Variants in PLCH1 observed in about 807,000 individuals in gnomAD.
The protein encoded by PLCH1 is phospholipase C eta 1, also known as 1-phosphatidylinositol 4,5-bisphosphate phosphodiesterase eta-1.
A neutral mutation model predicts 126.7 loss-of-function variants in PLCH1; 60 were observed. That is an observed-to-expected ratio of 0.47 (90% CI 0.38 to 0.59). The LOEUF is 0.59. PLCH1 is among the 20% of genes least tolerant of loss of function. PLCH1 has a pLI of 0.00. For missense variants in PLCH1, 1,723 were observed against 2,040.0 expected (o/e 0.84, Z 2.99); for synonymous variants, 719 against 734.9 (o/e 0.98, Z 0.35).
At chr3:155,575,815 C>T (rs1000825090) in intron 6 of PLCH1, among the ~76,000 whole-genome samples, 2 of 152,106 alleles carry the variant, frequency 1.3e-5, no homozygotes, top group African/African-American at 4.8e-5. Context: ...CACCACCACA[C>T]CCAACTAATT....
chr3:155,733,930 TATAC>T (rs1577384130), intron 1 of PLCH1, among the ~76,000 whole-genome samples: 2 of 105,378 alleles, frequency 1.9e-5, no homozygotes, highest in Non-Finnish European at 3.8e-5. Context: ...GGCCAACAGG[TATAC>T]ATATATATAT....
intron 2 of PLCH1, among the ~76,000 whole-genome samples, chr3:155,669,873 CTCT>C (rs1224943258): frequency 2.0e-5 from 3 of 152,190 alleles, no homozygotes; most frequent in African/African-American, 7.2e-5. Context: ...AGTCTTCGTT[CTCT>C]TTTGTTGATC....
At chr3:155,465,390 A>C (rs922140867) in intron 21 of PLCH1, among the ~76,000 whole-genome samples, 3 of 152,026 alleles carry the variant, frequency 2.0e-5, no homozygotes, top group African/African-American at 7.2e-5. Context: ...GCTAGAGGGA[A>C]CCTGCTGCCT....
At chr3:155,661,664 C>T (rs1742164454) in intron 2 of PLCH1, among the ~76,000 whole-genome samples, 1 of 152,182 alleles carries the variant, frequency 6.6e-6, no homozygotes, top group Non-Finnish European at 1.5e-5. Flanking sequence ...AAAAAAGTGT[C>T]TGGCAGGGTC....
chr3:155,701,964 A>C (rs1746308464), intron 2 of PLCH1, among the ~76,000 whole-genome samples: 1 of 152,246 alleles, frequency 6.6e-6, no homozygotes, highest in Non-Finnish European at 1.5e-5. Context: ...AATGAATAGA[A>C]TCATTGTTCT....
chr3:155,488,752 A>G lies in PLCH1; in HGVS notation c.2447T>C (p.Ile816Thr), dbSNP rs1317061379. 1 of 1,613,784 alleles carries G rather than the reference A, an allele frequency of 6.2e-7. No homozygotes were observed. Among genetic ancestry groups the G allele is most frequent in the African/African-American group, 1.3e-5 (1 of 74,922 alleles). ...CCACACAAGGAACCGAACCAAAGCT[A>G]TTTCTGGCATGTGTACTGTAAATGT... ...TLTFTVHMPE[I>T]ALVRFLVWDH... The change falls in exon 20 of 23, where the codon ATA becomes ACA. Residue 816 changes from isoleucine (I) to threonine (T), a missense_variant. By Grantham distance (89) the Ile-to-Thr change is moderately conservative (BLOSUM62 -1). Transcript: ENST00000460012.
intron 1 of PLCH1, among the ~76,000 whole-genome samples, chr3:155,726,990 G>GA (rs1405375510): frequency 6.6e-6 from 1 of 151,472 alleles, no homozygotes; most frequent in Non-Finnish European, 1.5e-5. Context: ...AAAGTGCTGG[G>GA]AATACAGGCG....
At chr3:155,527,711 C>T (rs774774583) in intron 10 of PLCH1, among the ~76,000 whole-genome samples, 2 of 151,670 alleles carry the variant, frequency 1.3e-5, no homozygotes, top group African/African-American at 2.4e-5. Flanking sequence ...CCTGAGGTCA[C>T]GAGTTCAAGG....
At chr3:155,743,318 G>A in intron 1 of PLCH1, 1 of 429,258 alleles carries the variant, frequency 2.3e-6, no homozygotes, top group Non-Finnish European at 4.6e-6. Context: ...GATCACCTGA[G>A]GTCAGGAGTT....
chr3:155,484,562 T>C (rs374899206), intron 22 of PLCH1, among the ~76,000 whole-genome samples: 3 of 152,356 alleles, frequency 2.0e-5, no homozygotes, highest in East Asian at 3.9e-4. Context: ...GAGATGATTC[T>C]GATTTAATTA....
At chr3:155,526,484 T>TACACACACACACA (rs774024945) in intron 10 of PLCH1, among the ~76,000 whole-genome samples, 71 of 94,356 alleles carry the variant, frequency 7.5e-4, no homozygotes, top group Middle Eastern at 5.2e-3. Flanking sequence ...TTTCTCTCTC[T>TACACACACACACA]CTCATACACA....
chr3:155,728,952 GATTT>G (rs1748545607), intron 1 of PLCH1, among the ~76,000 whole-genome samples: 1 of 152,148 alleles, frequency 6.6e-6, no homozygotes, highest in African/African-American at 2.4e-5. Context: ...ACAAACAGCA[GATTT>G]ATTTTACAAT....
At chr3:155,665,887 T>G (rs1380222597) in intron 2 of PLCH1, among the ~76,000 whole-genome samples, 1 of 152,200 alleles carries the variant, frequency 6.6e-6, no homozygotes, top group Non-Finnish European at 1.5e-5. Context: ...CATTTTACCT[T>G]TCTCTTTAGC....
At chr3:155,545,723 G>A (rs143408579) in intron 10 of PLCH1, among the ~76,000 whole-genome samples, 27,251 of 149,716 alleles carry the variant, frequency 0.18, 2,729 homozygotes, top group African/African-American at 0.31. Flanking sequence ...GGGATGCAAG[G>A]CTGGTTCAAT....
At chr3:155,678,540 A>G (rs935700965) in intron 2 of PLCH1, among the ~76,000 whole-genome samples, 1 of 152,230 alleles carries the variant, frequency 6.6e-6, no homozygotes, top group East Asian at 1.9e-4. Context: ...CAAAAGAATC[A>G]TAAAACTTAT....
intron 9 of PLCH1, among the ~76,000 whole-genome samples, chr3:155,552,062 A>G (rs1355005605): frequency 6.6e-6 from 1 of 152,260 alleles, no homozygotes; most frequent in Non-Finnish European, 1.5e-5. Flanking sequence ...GGGAGGCATC[A>G]TAAACTAAAT....
chr3:155,607,528 C>G (rs1321393314), intron 2 of PLCH1, among the ~76,000 whole-genome samples: 1 of 151,860 alleles, frequency 6.6e-6, no homozygotes, highest in Non-Finnish European at 1.5e-5. Flanking sequence ...GCAGCCTCAA[C>G]CTCCCTGGGC....
chr3:155,499,869 C>A (rs748477231), intron 14 of PLCH1, among the ~76,000 whole-genome samples: 2 of 152,128 alleles, frequency 1.3e-5, no homozygotes, highest in Non-Finnish European at 2.9e-5. Context: ...ATCTCCTCTG[C>A]CCTTCTAATT....
At chr3:155,534,436 C>T (rs1257135424) in intron 10 of PLCH1, among the ~76,000 whole-genome samples, 1 of 152,154 alleles carries the variant, frequency 6.6e-6, no homozygotes, top group African/African-American at 2.4e-5. Context: ...TGCCTGTACC[C>T]CCATTGGATC....
Sources: gnomAD v4.1 joint callset for allele counts (sites outside exome capture counted in the v4.1 genomes callset) on GRCh38, gnomAD v4.1.1 for gene constraint, MANE v1.5 for transcripts, NCBI Gene and HGNC (gene_info 2026-07-23, HGNC 2026-07-21) for gene names.